MYO5B: variants seen among roughly 807,000 people sequenced by gnomAD.
MYO5B encodes the protein myosin VB, also known as unconventional myosin-Vb.
In MYO5B, 143 loss-of-function variants were observed where a neutral mutation model predicts 229.3. The observed-to-expected ratio is 0.62, with a 90% confidence interval of 0.54 to 0.72. The LOEUF (loss-of-function observed/expected upper bound fraction) is 0.72, where lower values mean the gene tolerates loss of function less well. MYO5B is among the 30% of genes least tolerant of loss of function. The probability of loss-of-function intolerance (pLI) is 0.00; values close to 1 mark genes in which losing one functional copy is unlikely to be tolerated. For synonymous variants in MYO5B, 918 were observed against 885.2 expected (o/e 1.04, Z -0.66); for missense variants, 2,321 against 2,331.0 (o/e 1.00, Z 0.09).
intron 22 of MYO5B, among the ~76,000 whole-genome samples, chr18:49,892,123 A>G (rs1202991781): frequency 6.6e-6 from 1 of 152,254 alleles, no homozygotes; most frequent in Non-Finnish European, 1.5e-5. Flanking sequence ...GCAGCCATGC[A>G]AAACAGCACA....
chr18:50,061,252 CCA>C (rs2030679545), intron 1 of MYO5B, among the ~76,000 whole-genome samples: 1 of 152,114 alleles, frequency 6.6e-6, no homozygotes, highest in African/African-American at 2.4e-5. Flanking sequence ...GGTCTGAGCC[CCA>C]GTTTCCTTAG....
intron 11 of MYO5B, among the ~76,000 whole-genome samples, 156 bp downstream of exon 11, chr18:49,962,793 G>T (rs187545321): frequency 2.6e-5 from 4 of 152,132 alleles, no homozygotes; most frequent in Non-Finnish European, 4.4e-5. Context: ...GCAGTGGAGA[G>T]CCCCTTCCGA....
chr18:49,907,979 G>A (rs897656201), intron 18 of MYO5B, among the ~76,000 whole-genome samples: 1 of 152,198 alleles, frequency 6.6e-6, no homozygotes, highest in African/African-American at 2.4e-5. Flanking sequence ...TCTCTGCCCT[G>A]CTTGGGGAGG....
intron 1 of MYO5B, among the ~76,000 whole-genome samples, chr18:50,150,352 T>C: frequency 1.4e-5 from 2 of 143,846 alleles, no homozygotes; most frequent in Non-Finnish European, 1.5e-5. Flanking sequence ...CAAAGGACTA[T>C]AAATCATGCT....
chr18:50,004,028 C>T (rs1429856527), intron 4 of MYO5B, among the ~76,000 whole-genome samples: 4 of 152,296 alleles, frequency 2.6e-5, no homozygotes, highest in Non-Finnish European at 4.4e-5. Context: ...ATGAGGCACA[C>T]ACCAGCGATG....
chr18:49,972,081 C>A (rs1346261980), intron 10 of MYO5B, among the ~76,000 whole-genome samples: 2 of 152,088 alleles, frequency 1.3e-5, no homozygotes, highest in Admixed American at 6.6e-5. Flanking sequence ...AGCCCGGAAG[C>A]CACTCTGAGA....
intron 22 of MYO5B, among the ~76,000 whole-genome samples, chr18:49,883,617 T>A (rs2024611972): frequency 6.7e-6 from 1 of 150,040 alleles, no homozygotes; most frequent in Non-Finnish European, 1.5e-5. Context: ...CTGCAGAAAT[T>A]CATGAGCTGT....
chr18:49,970,525 T>C (rs934344395), intron 10 of MYO5B, among the ~76,000 whole-genome samples: 5 of 152,276 alleles, frequency 3.3e-5, no homozygotes, highest in African/African-American at 1.2e-4. Flanking sequence ...AACACAGTGA[T>C]GGGGAGAAAT....
intron 1 of MYO5B, among the ~76,000 whole-genome samples, chr18:50,164,281 C>T (rs1366866590): frequency 6.6e-6 from 1 of 152,190 alleles, no homozygotes; most frequent in Non-Finnish European, 1.5e-5. Context: ...TTTCAGGCCT[C>T]CTTAAGTATA....
chr18:50,117,617 C>T (rs777100316), intron 1 of MYO5B, among the ~76,000 whole-genome samples: 4 of 150,838 alleles, frequency 2.7e-5, no homozygotes, highest in South Asian at 2.1e-4. Flanking sequence ...CTCTAAAAGC[C>T]GAGAAAAAAA....
chr18:50,145,180 T>C (rs1021814512), intron 1 of MYO5B, among the ~76,000 whole-genome samples: 1 of 152,098 alleles, frequency 6.6e-6, no homozygotes, highest in African/African-American at 2.4e-5. Context: ...TGGGTGTCTA[T>C]AGAAGTTTTA....
intron 6 of MYO5B, 45 bp downstream of exon 6, chr18:49,992,243 T>C (rs766160198): frequency 1.2e-6 from 2 of 1,613,728 alleles, no homozygotes; most frequent in Non-Finnish European, 1.7e-6. Context: ...AGTAAGGTAA[T>C]TGTCCATGAG....
chr18:49,917,316 T>G (rs529621054), intron 17 of MYO5B, among the ~76,000 whole-genome samples: 1 of 152,344 alleles, frequency 6.6e-6, no homozygotes. Flanking sequence ...CGTTAAACCT[T>G]TCCTACCAGT....
At chr18:50,141,507 C>T (rs896624645) in intron 1 of MYO5B, among the ~76,000 whole-genome samples, 2 of 152,194 alleles carry the variant, frequency 1.3e-5, no homozygotes, top group Non-Finnish European at 2.9e-5. Context: ...CCACCAGCTC[C>T]CCTTGAATTC....
chr18:49,987,138 C>T (rs140942473), intron 7 of MYO5B, among the ~76,000 whole-genome samples: 3 of 152,310 alleles, frequency 2.0e-5, no homozygotes, highest in East Asian at 1.9e-4. Context: ...AGACACCCCG[C>T]CTTCCGAGAT....
At chr18:50,106,591 C>T (rs572871351) in intron 1 of MYO5B, among the ~76,000 whole-genome samples, 17 of 152,286 alleles carry the variant, frequency 1.1e-4, no homozygotes, top group East Asian at 3.9e-4. Context: ...CTGGAATGCT[C>T]GCCCACCCTA....
At chr18:50,180,210 G>A (rs4349244) in intron 1 of MYO5B, among the ~76,000 whole-genome samples, 72,595 of 152,066 alleles carry the variant, frequency 0.48, 17,634 homozygotes, top group Admixed American at 0.58. Flanking sequence ...TCAGCAGACA[G>A]AGCTCCCTTC....
chr18:49,992,267 G>A (rs983030733), intron 6 of MYO5B, 21 bp downstream of exon 6: 2 of 1,614,096 alleles, frequency 1.2e-6, no homozygotes, highest in Non-Finnish European at 8.5e-7. Flanking sequence ...TACACAAAAG[G>A]GCGCAAATCC....
chr18:50,140,366 G>C (rs1305540906), intron 1 of MYO5B, among the ~76,000 whole-genome samples: 1 of 152,200 alleles, frequency 6.6e-6, no homozygotes, highest in African/African-American at 2.4e-5. Context: ...GAACAGGGAG[G>C]AAACTAAAGC....
Sources: allele counts gnomAD v4.1 joint callset (sites outside exome capture counted in the v4.1 genomes callset), GRCh38; gene constraint gnomAD v4.1.1; transcripts MANE v1.5; gene names NCBI Gene and HGNC (gene_info 2026-07-23, HGNC 2026-07-21).